The following WDR81 variants were observed in gnomAD, a reference collection of about 807,000 sequenced individuals.
The protein encoded by WDR81 is WD repeat domain 81.
A neutral mutation model predicts 140.8 loss-of-function variants in WDR81; 92 were observed. The observed-to-expected ratio is 0.65, with a 90% CI of 0.55 to 0.78. The LOEUF is 0.78. Ranked by LOEUF, WDR81 falls within the 30% of genes least tolerant of loss-of-function variation. The probability of loss-of-function intolerance (pLI) is 0.00; values close to 1 mark genes in which losing one functional copy is unlikely to be tolerated. For missense variants in WDR81, 2,502 were observed against 2,636.4 expected, an observed-to-expected ratio of 0.95 and a Z score of 1.12; for synonymous variants, 1,183 against 1,156.4, an observed-to-expected ratio of 1.02 and a Z score of -0.47.
chr17:1,726,909 C>G lies in WDR81; in HGVS notation c.1950C>G (p.Asp650Glu), dbSNP rs1915315281. The G allele has an allele frequency of 8.4e-6, 13 of 1,550,440 alleles. No homozygotes were observed. The highest frequency in any genetic ancestry group is 8.7e-6 in the Non-Finnish European group (10 of 1,146,966). Reference protein sequence around the residue: ...ATPCEASWTRDRPVAGEDDLE... With the variant: ...ATPCEASWTRERPVAGEDDLE... Reference sequence around the variant, plus strand: ...CCTGTGAGGCTAGCTGGACCAGAGACAGGCCGGTGGCAGGAGAAGACGACT... The same window carrying G: ...CCTGTGAGGCTAGCTGGACCAGAGAGAGGCCGGTGGCAGGAGAAGACGACT... Residue 650 changes from aspartate to glutamate, a missense_variant, in exon 1 of 10, where the codon GAC (aspartate) becomes GAG (glutamate). Physicochemically the swap from Asp to Glu is conservative, Grantham distance 45. Around this residue, in one of 3 missense-constraint regions of WDR81, gnomAD observed 1,737 missense variants for 1,843.0 expected, o/e 0.94. Coordinates refer to ENST00000409644, the MANE Select transcript of WDR81 (RefSeq NM_001163809.2).
Position 1,725,407 on chromosome 17 carries a change from C to A in WDR81, c.448C>A (p.Leu150Met). 1 of 1,549,708 alleles carries A rather than the reference C, an allele frequency of 6.5e-7. No individual in the cohort carries two copies. The highest frequency in any genetic ancestry group is 1.7e-4 in the Middle Eastern group (1 of 5,992). The change falls in exon 1 of 10, where the codon CTG becomes ATG. Residue 150 changes from leucine (L) to methionine (M), a missense_variant. Leu to Met is a conservative substitution (Grantham distance 15). This residue lies in a region of WDR81 where 547 missense variants were observed against 513.8 expected (regional missense o/e 1.06). Coordinates refer to ENST00000409644, the MANE Select transcript of WDR81 (RefSeq NM_001163809.2). ...GGTTGCCGCCCAGAATTATCGCAAC[C>A]TGTGGCGCCATGCATACCACACTTA... Reference protein sequence around the residue: ...QEVAAQNYRNLWRHAYHTYGQ... With the variant: ...QEVAAQNYRNMWRHAYHTYGQ...
At chr17:1,717,551 C>A (rs898611235) in intron 1 of WDR81, among the ~76,000 whole-genome samples, 2 of 152,168 alleles carry the variant, frequency 1.3e-5, no homozygotes, top group African/African-American at 4.8e-5. Flanking sequence ...CAGGACATTG[C>A]GCCTTTAAGG....
chr17:1,717,818 A>T (rs1454647981), intron 1 of WDR81, among the ~76,000 whole-genome samples: 1 of 152,094 alleles, frequency 6.6e-6, no homozygotes, highest in Non-Finnish European at 1.5e-5. Flanking sequence ...TTGGAAAGAG[A>T]GGTATTTCCT....
At position 1,726,859 on chromosome 17, in the gene WDR81, G is replaced by A; in HGVS notation, c.1900G>A (p.Gly634Ser). Residue 634 changes from glycine (G) to serine (S), a missense_variant, in exon 1 of 10, where the codon GGC becomes AGC. Physicochemically the swap from Gly to Ser is moderately conservative, Grantham distance 56 (BLOSUM62 0). This residue lies in a region of WDR81 where 1,737 missense variants were observed against 1,843.0 expected (regional missense o/e 0.94). Coordinates refer to ENST00000409644, the MANE Select transcript of WDR81 (RefSeq NM_001163809.2). ...ENPGQLPNGV[G>S]RPVLEATPCE... ...CCCGGGACAGCTTCCAAATGGAGTGGGCCGGCCAGTTTTAGAGGCCACTCC... is the reference window on the plus strand; with the variant it reads ...CCCGGGACAGCTTCCAAATGGAGTGAGCCGGCCAGTTTTAGAGGCCACTCC... The A allele has an allele frequency of 6.5e-7, 1 of 1,550,308 alleles. No homozygotes were observed. Among genetic ancestry groups the A allele is most frequent in the Non-Finnish European group, 8.7e-7 (1 of 1,146,972 alleles).
chr17:1,726,323 C>T lies in WDR81; in HGVS notation c.1364C>T (p.Ala455Val), dbSNP rs1915259931. Residue 455 changes from alanine to valine, a missense_variant, in exon 1 of 10, where the codon GCT (alanine) becomes GTT (valine). This residue lies in a region of WDR81 where 218 missense variants were observed against 279.6 expected (regional missense o/e 0.78). Transcript: ENST00000409644. ...LSDITYYVYK[A>V]RRTPRSVLCG... ...GACATCACGTACTATGTGTACAAGG[C>T]TCGGCGCACGCCTCGGTCGGTGCTC... The T allele has an allele frequency of 6.5e-7, 1 of 1,544,080 alleles. No individual in the cohort carries two copies. The highest frequency in any genetic ancestry group is 8.8e-7 in the Non-Finnish European group (1 of 1,142,544).
In WDR81 at chr17:1,730,763, C is replaced by T. The variant is rs779264797; in HGVS notation, c.3784C>T (p.Arg1262Trp). 24 of 1,608,612 alleles carry T rather than the reference C, an allele frequency of 1.5e-5. No homozygotes were observed. The highest frequency in any genetic ancestry group is 2.2e-5 in the East Asian group (1 of 44,796). ...LLTSCYVGPTRQQFTVSSGES... is the reference protein window; with the variant it reads ...LLTSCYVGPTWQQFTVSSGES... ...TGGCCCTTCCGTGGCAGGACCCACTCGGCAGCAGTTCACAGTGAGCAGTGG... is the reference window on the plus strand; with the variant it reads ...TGGCCCTTCCGTGGCAGGACCCACTTGGCAGCAGTTCACAGTGAGCAGTGG... The change falls in exon 3 of 10, where the codon CGG becomes TGG. Residue 1262 changes from arginine (R) to tryptophan (W), a missense_variant. Arg to Trp is a moderately radical substitution (Grantham distance 101). Coordinates refer to ENST00000409644, the MANE Select transcript of WDR81 (RefSeq NM_001163809.2).
Position 1,731,122 on chromosome 17 carries a change from G to A in WDR81, c.4021G>A (p.Gly1341Arg), listed in dbSNP as rs1904317461. Residue 1341 changes from glycine (G) to arginine (R), a missense_variant, in exon 4 of 10, where the codon GGG becomes AGG. By Grantham distance (125) the Gly-to-Arg change is moderately radical. This residue lies in a region of WDR81 where 1,737 missense variants were observed against 1,843.0 expected (regional missense o/e 0.94). Coordinates refer to ENST00000409644, the MANE Select transcript of WDR81 (RefSeq NM_001163809.2). The stretch of plus-strand genomic sequence containing the variant: ...CCGACTGAACAGCCGTAAGGAGGCG[G>A]GGCTGCTGGCCGCGGTGACGCTGAC... Reference protein sequence around the residue: ...PSRLNSRKEAGLLAAVTLTQK... With the variant: ...PSRLNSRKEARLLAAVTLTQK... 2 of 1,613,204 alleles carry A rather than the reference G, an allele frequency of 1.2e-6. No individual in the cohort carries two copies.
At position 1,727,862 on chromosome 17, in the gene WDR81, G is replaced by T. The variant is rs1915396901; in HGVS notation, c.2903G>T (p.Gly968Val). The change falls in exon 1 of 10, where the codon GGT becomes GTT. Residue 968 changes from glycine (G) to valine (V), a missense_variant. Physicochemically the swap from Gly to Val is moderately radical, Grantham distance 109. This residue lies in a region of WDR81 where 1,737 missense variants were observed against 1,843.0 expected (regional missense o/e 0.94). Transcript: ENST00000409644. ...ANKYLLKPLIGAYESPCQLHG... is the reference protein window; with the variant it reads ...ANKYLLKPLIVAYESPCQLHG... ...AAGTACCTCCTGAAGCCGCTCATTG[G>T]TGCCTACGAGAGCCCCTGCCAGCTA... The T allele has an allele frequency of 6.4e-7, 1 of 1,550,736 alleles. No individual in the cohort carries two copies. The highest frequency in any genetic ancestry group is 1.2e-5 in the South Asian group (1 of 84,066).
chr17:1,733,233 C>T (rs1488493038), intron 6 of WDR81, among the ~76,000 whole-genome samples: 1 of 151,444 alleles, frequency 6.6e-6, no homozygotes, highest in Admixed American at 6.6e-5. Context: ...CACCTGTTAT[C>T]ATCCTGCCAC....
intron 4 of WDR81, among the ~76,000 whole-genome samples, chr17:1,731,728 C>G (rs184960427): frequency 4.6e-4 from 69 of 150,818 alleles, no homozygotes; most frequent in African/African-American, 1.6e-3. Flanking sequence ...ATGGTGAAAC[C>G]CCGTCTCCAC....
upstream of WDR81, among the ~76,000 whole-genome samples, chr17:1,723,620 G>A (rs1915013268): frequency 6.6e-6 from 1 of 151,872 alleles, no homozygotes; most frequent in African/African-American, 2.4e-5. Context: ...CAAGTAGCTG[G>A]GACTACAGGC....
Position 1,725,523 on chromosome 17 carries a change from C to T in WDR81, c.564C>T (p.Ser188=). The change falls in exon 1 of 10, where the codon TCC becomes TCT. Residue 188 remains serine (S), a synonymous_variant. Transcript: ENST00000409644. Reference sequence around the variant, plus strand: ...CTCTGCAGAGGGTCTATGGTTGCTCCTTCCTGCCAGTGGGTGAAACTACCC... The same window carrying T: ...CTCTGCAGAGGGTCTATGGTTGCTCTTTCCTGCCAGTGGGTGAAACTACCC... The part of the protein sequence containing the change: ...RQALQRVYGC[S]FLPVGETTQC... 1 of 1,545,818 alleles carries T rather than the reference C, an allele frequency of 6.5e-7. No individual in the cohort carries two copies. Among genetic ancestry groups the T allele is most frequent in the Non-Finnish European group, 8.7e-7 (1 of 1,146,950 alleles).
At chr17:1,729,253 G>A (rs951172223) in intron 1 of WDR81, among the ~76,000 whole-genome samples, 18 of 151,838 alleles carry the variant, frequency 1.2e-4, no homozygotes, top group Non-Finnish European at 2.2e-4. Flanking sequence ...GCCGAGGCAG[G>A]AGGATCACTT....
At chr17:1,730,288 G>C in intron 1 of WDR81, 92 bp from the exon 2 acceptor site, 3 of 1,060,492 alleles carry the variant, frequency 2.8e-6, no homozygotes, top group Middle Eastern at 3.1e-4. Context: ...AGCTGCAGCC[G>C]CAGGTGGTTG....
At chr17:1,716,588 G>A (rs1484480014) in exon 1 of WDR81, 1 of 1,551,590 alleles carries the variant, frequency 6.4e-7, no homozygotes, top group Admixed American at 2.0e-5. Context: ...GCTGGTCCGT[G>A]TAGTTCTCAG....
rs1453638485 is a variant in WDR81 at position 1,730,949 on chromosome 17, A to C, written c.3966+4A>C. 2.5e-6 allele frequency: 4 copies of C among 1,612,094 alleles called. No homozygotes were observed. The highest frequency in any genetic ancestry group is 3.4e-6 in the Non-Finnish European group (4 of 1,179,264). ...CCTGCCCTACATCAGCTACCTGGTC[A>C]GTCGCTGGTTTGGCAGGCCCGGGGC... On this transcript the variant is annotated splice_donor_region_variant and intron_variant, in intron 3 of 9. Coordinates refer to ENST00000409644, the MANE Select transcript of WDR81 (RefSeq NM_001163809.2).
Position 1,727,620 on chromosome 17 carries a change from C to G in WDR81, c.2661C>G (p.Tyr887Ter). Residue 887 changes from tyrosine (Y) to a stop codon, truncating the protein, a stop_gained, in exon 1 of 10, where the codon TAC (tyrosine) becomes TAG (stop). Transcript: ENST00000409644. LOFTEE classifies it high-confidence loss of function. Reference protein sequence around the residue: ...FPALHRFILLYQARRVEDEAQ... With the variant: ...FPALHRFILL ...CACTGCACAGATTCATCCTCCTGTA[C>G]CAGGCAAGGCGTGTGGAGGACGAGG... is the stretch of plus-strand genomic sequence containing the variant. 3.9e-6 allele frequency: 6 copies of G among 1,550,570 alleles called. No individual in the cohort carries two copies. The highest frequency in any genetic ancestry group is 1.2e-5 in the South Asian group (1 of 84,066).
Position 1,725,192 on chromosome 17 carries a change from G to C in WDR81, c.233G>C (p.Arg78Pro). ...DRRLPLGPCP[R>P]AEGLGEAEVR... Reference sequence around the variant, plus strand: ...CGGCTGCCCCTGGGACCCTGTCCCCGCGCAGAGGGCCTGGGAGAAGCGGAA... The same window carrying C: ...CGGCTGCCCCTGGGACCCTGTCCCCCCGCAGAGGGCCTGGGAGAAGCGGAA... Residue 78 changes from arginine to proline, a missense_variant, in exon 1 of 10, where the codon CGC (arginine) becomes CCC (proline). Coordinates refer to ENST00000409644, the MANE Select transcript of WDR81 (RefSeq NM_001163809.2). 2.0e-6 allele frequency: 3 copies of C among 1,537,056 alleles called. No homozygotes were observed. Among genetic ancestry groups the C allele is most frequent in the Non-Finnish European group, 1.7e-6 (2 of 1,146,434 alleles).
intron 1 of WDR81, 139 bp downstream of exon 1, chr17:1,728,765 A>T: frequency 8.8e-7 from 1 of 1,139,374 alleles, no homozygotes; most frequent in Admixed American, 3.5e-5. Context: ...CCATCCTAAT[A>T]ACAAGGTGAA....
Sources: gnomAD v4.1 joint callset for allele counts (sites outside exome capture counted in the v4.1 genomes callset) on GRCh38, gnomAD v4.1.1 for gene constraint, gnomAD v4.1.1 regional missense constraint, MANE v1.5 for transcripts, NCBI Gene and HGNC (gene_info 2026-07-23, HGNC 2026-07-21) for gene names.